The following TEKTL1 variants were observed in gnomAD, a reference collection of about 807,000 sequenced individuals.
TEKTL1 encodes tektin like 1, also known as tektin-like protein 1.
At chr19:15,018,721 T>C in the TEKTL1 span, among the ~76,000 whole-genome samples, 1 of 112,108 alleles carries the variant, frequency 8.9e-6, no homozygotes, top group South Asian at 2.5e-4. Context: ...TCAAAATATG[T>C]ATATATATAT....
the TEKTL1 span, among the ~76,000 whole-genome samples, chr19:15,018,038 G>T: frequency 6.6e-6 from 1 of 151,946 alleles, no homozygotes; most frequent in East Asian, 1.9e-4. Flanking sequence ...CAAAATAAAA[G>T]AACAGGAAAG....
the TEKTL1 span, among the ~76,000 whole-genome samples, chr19:15,018,798 C>A: frequency 6.9e-6 from 1 of 145,626 alleles, no homozygotes; most frequent in Non-Finnish European, 1.5e-5. Context: ...AGCAGAATTG[C>A]CTGACCCTTG....
chr19:15,021,498 G>T, the TEKTL1 span: 2 of 1,614,158 alleles, frequency 1.2e-6, no homozygotes, highest in Admixed American at 1.7e-5. Context: ...CGCAGAAGGC[G>T]AGCGAGACCT....
chr19:15,022,281 C>T, the TEKTL1 span, among the ~76,000 whole-genome samples: 1 of 152,018 alleles, frequency 6.6e-6, no homozygotes, highest in Non-Finnish European at 1.5e-5. Flanking sequence ...TGTAGCATGG[C>T]ACCTGCATAG....
the TEKTL1 span, among the ~76,000 whole-genome samples, chr19:15,017,458 T>C: frequency 9.9e-5 from 15 of 152,114 alleles, no homozygotes; most frequent in Non-Finnish European, 2.1e-4. Context: ...CATTTTATTG[T>C]GGAGGAAGTA....
chr19:15,016,379 G>A, the TEKTL1 span, among the ~76,000 whole-genome samples: 1 of 151,222 alleles, frequency 6.6e-6, no homozygotes, highest in Non-Finnish European at 1.5e-5. Flanking sequence ...TAGTAGAGAC[G>A]TGGTTTCACC....
the TEKTL1 span, chr19:15,021,435 G>A: frequency 1.2e-6 from 2 of 1,614,216 alleles, no homozygotes. Flanking sequence ...AGAACGAGGT[G>A]GACGTCCGGG....
chr19:15,015,093 A>C, the TEKTL1 span, among the ~76,000 whole-genome samples: 1 of 152,120 alleles, frequency 6.6e-6, no homozygotes, highest in South Asian at 2.1e-4. Flanking sequence ...AGGCTGAGGG[A>C]GGAGGATTGC....
chr19:15,020,607 C>T, the TEKTL1 span: 1 of 1,614,100 alleles, frequency 6.2e-7, no homozygotes, highest in Non-Finnish European at 8.5e-7. Flanking sequence ...CCACTCCACG[C>T]ACACAGGGTC....
At chr19:15,014,733 G>GGGA in the TEKTL1 span, among the ~76,000 whole-genome samples, 1 of 125,406 alleles carries the variant, frequency 8.0e-6, no homozygotes, top group South Asian at 3.4e-4. Context: ...TGGGGGGGCG[G>GGGA]GGGGCGGGGG....
the TEKTL1 span, chr19:15,021,980 C>T: frequency 1.1e-4 from 138 of 1,309,580 alleles, no homozygotes; most frequent in Non-Finnish European, 1.4e-4. Flanking sequence ...GCTCCTTCCT[C>T]AAGCACATCT....
the TEKTL1 span, chr19:15,020,384 C>A: frequency 1.6e-6 from 2 of 1,259,672 alleles, no homozygotes; most frequent in Non-Finnish European, 2.3e-6. Flanking sequence ...CTCAAGCCTG[C>A]AGCAGAGAAA....
the TEKTL1 span, chr19:15,013,877 C>A: frequency 1.4e-6 from 1 of 708,020 alleles, no homozygotes; most frequent in South Asian, 1.7e-5. Flanking sequence ...ATAGCAATTC[C>A]TTCAAGCCAC....
chr19:15,011,065 C>T, the TEKTL1 span: 1 of 1,576,612 alleles, frequency 6.3e-7, no homozygotes, highest in Non-Finnish European at 8.6e-7. Context: ...TGATCAAAGG[C>T]GGCGGCACCT....
chr19:15,021,998 G>A, the TEKTL1 span: 7 of 1,126,242 alleles, frequency 6.2e-6, no homozygotes, highest in Non-Finnish European at 9.0e-6. Flanking sequence ...TCTGGACCAG[G>A]TATGATCCCC....
chr19:15,012,896 G>A, the TEKTL1 span, among the ~76,000 whole-genome samples: 794 of 151,722 alleles, frequency 5.2e-3, 10 homozygotes, highest in African/African-American at 0.018. Context: ...TGAGGAGAGC[G>A]GCTGATACCC....
chr19:15,011,073 C>T, the TEKTL1 span: 20 of 1,574,800 alleles, frequency 1.3e-5, no homozygotes, highest in East Asian at 1.2e-4. Context: ...GGCGGCGGCA[C>T]CTTGGAGAAG....
the TEKTL1 span, among the ~76,000 whole-genome samples, chr19:15,015,960 C>A: frequency 6.6e-6 from 1 of 152,096 alleles, no homozygotes; most frequent in Admixed American, 6.6e-5. Context: ...CATGTTGACT[C>A]CAGGCAGGCT....
the TEKTL1 span, chr19:15,021,913 C>G: frequency 1.2e-6 from 2 of 1,613,154 alleles, no homozygotes; most frequent in Non-Finnish European, 8.5e-7. Flanking sequence ...CTGCGCGCCT[C>G]GCACAGGTAA....
Sources: allele counts gnomAD v4.1 joint callset (sites outside exome capture counted in the v4.1 genomes callset), GRCh38; gene constraint gnomAD v4.1.1; transcripts MANE v1.5; gene names NCBI Gene and HGNC (gene_info 2026-07-23, HGNC 2026-07-21).